Variants in SDK1 observed in about 807,000 individuals in gnomAD.
SDK1 encodes sidekick cell adhesion molecule 1.
A neutral mutation model predicts 245.5 loss-of-function variants in SDK1; 157 were observed. That is an observed-to-expected ratio of 0.64 (90% confidence interval 0.56 to 0.73). The LOEUF is 0.73. Ranked by LOEUF, SDK1 falls within the 30% of genes least tolerant of loss-of-function variation. SDK1 has a pLI of 0.00. For synonymous variants in SDK1, 1,647 were observed against 1,278.5 expected (o/e 1.29, Z -6.15); for missense variants, 3,583 against 3,002.3 (o/e 1.19, Z -4.52).
At chr7:3,823,207 G>C (rs1415949065) in intron 5 of SDK1, among the ~76,000 whole-genome samples, 3 of 152,178 alleles carry the variant, frequency 2.0e-5, no homozygotes, top group Non-Finnish European at 4.4e-5. Context: ...TTTTCCAAGG[G>C]TTATGATAAA....
chr7:3,414,363 C>T (rs543159086), intron 1 of SDK1, among the ~76,000 whole-genome samples: 1 of 152,180 alleles, frequency 6.6e-6, no homozygotes, highest in Non-Finnish European at 1.5e-5. Context: ...AGAAATGGGG[C>T]ATCTGAGAAC....
chr7:3,360,891 C>CAT (rs35518264), intron 1 of SDK1, among the ~76,000 whole-genome samples: 91,240 of 151,778 alleles, frequency 0.6, 28,357 homozygotes, highest in African/African-American at 0.77. Flanking sequence ...GCCTATGTGT[C>CAT]ATGATGCATT....
At chr7:3,564,003 G>A (rs1356421175) in intron 1 of SDK1, among the ~76,000 whole-genome samples, 1 of 152,026 alleles carries the variant, frequency 6.6e-6, no homozygotes, top group African/African-American at 2.4e-5. Context: ...CTGAAAGACA[G>A]TGAAAACATG....
At chr7:3,891,885 G>T (rs1467794574) in intron 5 of SDK1, among the ~76,000 whole-genome samples, 1 of 152,174 alleles carries the variant, frequency 6.6e-6, no homozygotes, top group Non-Finnish European at 1.5e-5. Context: ...TATTTGCAAA[G>T]CAGTGAGTTT....
chr7:3,361,443 G>T (rs1381149117), intron 1 of SDK1, among the ~76,000 whole-genome samples: 2 of 152,022 alleles, frequency 1.3e-5, no homozygotes, highest in African/African-American at 4.8e-5. Context: ...CTTGCCCTTG[G>T]CTTCTCTTCC....
rs117931577 is a variant in SDK1, at chr7:4,080,414, T to C, written c.3324+830T>C. On this transcript the variant is annotated intron_variant, in intron 22 of 44. Transcript: ENST00000404826. ...TAAAGGGCCAAATTATGAGGAGTAG[T>C]AAAGTTTCAAAATAGTTATTATCTG... Among the ~76,000 whole-genome samples the C allele has an allele frequency of 3.4e-3, 514 of 151,892 alleles. 3 individuals are homozygous for C. The highest frequency in any genetic ancestry group is 0.031 in the South Asian group (149 of 4,794).
intron 7 of SDK1, among the ~76,000 whole-genome samples, chr7:3,957,627 T>TC (rs1191712119): frequency 6.6e-6 from 1 of 152,096 alleles, no homozygotes; most frequent in Admixed American, 6.5e-5. Context: ...TGAATACAGG[T>TC]CAGGACCTGC....
chr7:3,726,644 A>G (rs374863483), intron 4 of SDK1, among the ~76,000 whole-genome samples: 47 of 152,326 alleles, frequency 3.1e-4, no homozygotes, highest in Non-Finnish European at 5.0e-4. Flanking sequence ...TTAGCCTTTA[A>G]TGCTTCAAAA....
chr7:4,062,701 C>A lies in SDK1; in HGVS notation c.2912-5137C>A, dbSNP rs1254953650. Among the ~76,000 whole-genome samples the A allele has an allele frequency of 6.6e-5, 10 of 152,148 alleles. No homozygotes were observed. In the East Asian group the frequency reaches 1.9e-3, roughly 29 times the overall value. Reference sequence around the variant, plus strand: ...CCTGATGAACATAGACACAAAAATCCTCAACAAAAATATTAGCAAACTGAA... The same window carrying A: ...CCTGATGAACATAGACACAAAAATCATCAACAAAAATATTAGCAAACTGAA... On this transcript the variant is annotated intron_variant, in intron 19 of 44. Transcript: ENST00000404826.
At chr7:3,487,543 A>C (rs1167875679) in intron 1 of SDK1, among the ~76,000 whole-genome samples, 1 of 152,008 alleles carries the variant, frequency 6.6e-6, no homozygotes, top group African/African-American at 2.4e-5. Flanking sequence ...GGAGTTCGAG[A>C]CCAGCTTGGG....
chr7:3,492,430 C>T (rs185457066), intron 1 of SDK1, among the ~76,000 whole-genome samples: 1 of 152,168 alleles, frequency 6.6e-6, no homozygotes, highest in Non-Finnish European at 1.5e-5. Flanking sequence ...CAAGGTGGAG[C>T]TTGCGGTGAG....
At chr7:3,416,778 C>G (rs940093238) in intron 1 of SDK1, among the ~76,000 whole-genome samples, 5 of 152,204 alleles carry the variant, frequency 3.3e-5, no homozygotes, top group African/African-American at 4.8e-5. Flanking sequence ...GACCATGCCT[C>G]GAATAAAGCC....
intron 25 of SDK1, among the ~76,000 whole-genome samples, chr7:4,118,850 A>G (rs1783886798): frequency 6.7e-6 from 1 of 149,050 alleles, no homozygotes; most frequent in African/African-American, 2.4e-5. Context: ...GTGTGATTCT[A>G]TTTGTAGGAA....
At chr7:3,992,034 T>G (rs1014858282) in intron 14 of SDK1, among the ~76,000 whole-genome samples, 5 of 152,228 alleles carry the variant, frequency 3.3e-5, no homozygotes, top group African/African-American at 1.2e-4. Flanking sequence ...TAGCGCCATC[T>G]ACTAGGTCTG....
At chr7:3,705,493 T>TGAG (rs1784860958) in intron 4 of SDK1, among the ~76,000 whole-genome samples, 1 of 120,230 alleles carries the variant, frequency 8.3e-6, no homozygotes, top group African/African-American at 3.4e-5. Flanking sequence ...TTTATTTTAT[T>TGAG]TTTTATTTTA....
rs534820212 is a variant in SDK1, at chr7:4,199,464, C to T, written c.5099-6415C>T. Among the ~76,000 whole-genome samples the T allele has an allele frequency of 6.6e-5, 10 of 152,292 alleles. No homozygotes were observed. In the East Asian group the frequency reaches 9.6e-4, roughly 15 times the overall value. On this transcript the variant is annotated intron_variant, in intron 35 of 44. Transcript: ENST00000404826. ...AAGATCATTACTGGACGAAATCAAA[C>T]GCCAGAATTGTCTAGCAGTATTGAA...
intron 38 of SDK1, among the ~76,000 whole-genome samples, chr7:4,217,418 C>G (rs1302300744): frequency 7.8e-6 from 1 of 128,646 alleles, no homozygotes; most frequent in African/African-American, 3.0e-5. Context: ...CCAGGCCACC[C>G]GGAGCACCAG....
chr7:3,566,109 T>G (rs1318259607), intron 1 of SDK1, among the ~76,000 whole-genome samples: 3 of 152,102 alleles, frequency 2.0e-5, no homozygotes. Flanking sequence ...TCTGAGTAAA[T>G]AGAGTTTTTA....
chr7:3,314,253 T>C (rs1779613255), intron 1 of SDK1, among the ~76,000 whole-genome samples: 1 of 152,164 alleles, frequency 6.6e-6, no homozygotes, highest in Non-Finnish European at 1.5e-5. Context: ...AAGCTGCTGA[T>C]CAACAGGAGT....
Sources: gnomAD v4.1 joint callset for allele counts (sites outside exome capture counted in the v4.1 genomes callset) on GRCh38, gnomAD v4.1.1 for gene constraint, MANE v1.5 for transcripts, NCBI Gene and HGNC (gene_info 2026-07-23, HGNC 2026-07-21) for gene names.